The following PWWP3B variants were observed in gnomAD, a reference collection of about 807,000 sequenced individuals.
PWWP3B encodes PWWP domain containing 3B.
In PWWP3B, 5 loss-of-function variants were observed where a neutral mutation model predicts 15.7. The observed-to-expected ratio is 0.32, with a 90% CI of 0.17 to 0.67. PWWP3B has a LOEUF of 0.67. PWWP3B is among the 30% of genes least tolerant of loss of function. The pLI is 0.74. For missense variants in PWWP3B, 519 were observed against 493.1 expected, an observed-to-expected ratio of 1.05 and a Z score of -0.50; for synonymous variants, 203 against 179.8, an observed-to-expected ratio of 1.13 and a Z score of -1.03.
intron 2 of PWWP3B, among the ~76,000 whole-genome samples, chrX:106,193,360 A>G (rs1923133776): frequency 9.0e-6 from 1 of 111,009 alleles, no homozygotes. Context: ...TAGGATTGCA[A>G]TCCCTGCCTT....
chrX:106,175,244 T>C (rs1156249841), intron 2 of PWWP3B, among the ~76,000 whole-genome samples: 4 of 89,299 alleles, frequency 4.5e-5, no homozygotes, highest in African/African-American at 1.6e-4. Flanking sequence ...TTCTTTTTTT[T>C]TTTTTTTTTT....
intron 2 of PWWP3B, among the ~76,000 whole-genome samples, chrX:106,182,758 G>T (rs185997169): frequency 9.0e-6 from 1 of 110,883 alleles, no homozygotes; most frequent in African/African-American, 3.3e-5. Context: ...GAATGGTCAC[G>T]CAGGGAGTAT....
At chrX:106,186,815 G>C (rs767037412) in intron 2 of PWWP3B, among the ~76,000 whole-genome samples, 3 of 111,608 alleles carry the variant, frequency 2.7e-5, no homozygotes, top group Non-Finnish European at 5.7e-5. Context: ...TCCACATCCT[G>C]CTGATTGGTC....
chrX:106,199,999 T>C (rs1056097904), intron 2 of PWWP3B, among the ~76,000 whole-genome samples: 2 of 111,917 alleles, frequency 1.8e-5, no homozygotes, highest in African/African-American at 6.5e-5. Context: ...TGTCTCATTT[T>C]TCTCCTGGGG....
At position 106,206,367 on chromosome X, in the gene PWWP3B, G is replaced by A; in HGVS notation, c.935G>A (p.Ser312Asn). 8.3e-7 allele frequency: 1 copy of A among 1,204,782 alleles called. No homozygotes were observed. Among genetic ancestry groups the A allele is most frequent in the Non-Finnish European group, 1.1e-6 (1 of 891,530 alleles). Reference protein sequence around the residue: ...SEMGAAACPGSCSRECEVSFS... With the variant: ...SEMGAAACPGNCSRECEVSFS... ...ATGGGGGCTGCAGCATGCCCTGGGA[G>A]TTGTTCAAGGGAATGCGAGGTTTCA... is the stretch of plus-strand genomic sequence containing the variant. Residue 312 changes from serine to asparagine, a missense_variant, in exon 4 of 4, where the codon AGT (serine) becomes AAT (asparagine). By Grantham distance (46) the Ser-to-Asn change is conservative (BLOSUM62 1). Transcript: ENST00000357175.
intron 1 of PWWP3B, among the ~76,000 whole-genome samples, chrX:106,170,376 T>A (rs1217176175): frequency 8.9e-6 from 1 of 111,756 alleles, no homozygotes; most frequent in Non-Finnish European, 1.9e-5. Flanking sequence ...ATATATACAA[T>A]TTGCATGAGA....
At chrX:106,199,432 G>A (rs1201473134) in intron 2 of PWWP3B, among the ~76,000 whole-genome samples, 1 of 111,501 alleles carries the variant, frequency 9.0e-6, no homozygotes, top group Non-Finnish European at 1.9e-5. Flanking sequence ...GAGAGGCTTT[G>A]GTAAGATAGA....
chrX:106,169,879 G>A (rs1170231848), intron 1 of PWWP3B, among the ~76,000 whole-genome samples: 1 of 111,727 alleles, frequency 9.0e-6, no homozygotes, highest in African/African-American at 3.2e-5. Context: ...GAATGTGCAT[G>A]CATTCGTACA....
At position 106,206,243 on chromosome X, in the gene PWWP3B, G is replaced by A. The variant is rs1197146719; in HGVS notation, c.811G>A (p.Glu271Lys). 2 of 1,206,899 alleles carry A rather than the reference G, an allele frequency of 1.7e-6. No homozygotes were observed. Among genetic ancestry groups the A allele is most frequent in the South Asian group, 3.6e-5 (2 of 56,205 alleles). ...CCTAGAGACCCTGGCTGTTCCCTCT[G>A]AATGCTCTGCTTTCTCAGAGAATAT... Reference protein sequence around the residue: ...TCLETLAVPSECSAFSENIED... With the variant: ...TCLETLAVPSKCSAFSENIED... The change falls in exon 4 of 4, where the codon GAA becomes AAA. Residue 271 changes from glutamate to lysine, a missense_variant. By Grantham distance (56) the Glu-to-Lys change is moderately conservative. Coordinates refer to ENST00000357175, the MANE Select transcript of PWWP3B (RefSeq NM_001171020.2).
chrX:106,201,421 G>GA (rs972004558), intron 2 of PWWP3B, among the ~76,000 whole-genome samples: 1 of 112,497 alleles, frequency 8.9e-6, no homozygotes, highest in African/African-American at 3.2e-5. Flanking sequence ...GAGATGGCAA[G>GA]AAAAAAATAT....
At chrX:106,193,607 G>A (rs1298227910) in intron 2 of PWWP3B, among the ~76,000 whole-genome samples, 2 of 111,635 alleles carry the variant, frequency 1.8e-5, no homozygotes, top group East Asian at 2.8e-4. Context: ...TATTTTGCTC[G>A]TTAGTTGATG....
rs1923854551 is a variant in PWWP3B, at chrX:106,204,090, C to G, written c.-295C>G. The G allele has an allele frequency of 8.9e-6, 1 of 111,856 alleles. No individual in the cohort carries two copies. The highest frequency in any genetic ancestry group is 3.3e-5 in the African/African-American group (1 of 30,755). 9.2% of individuals were successfully genotyped at this position (111,856 alleles called of 1,213,427 possible). A position where few individuals can be genotyped will look rare whatever the true frequency, so the allele number is the denominator to read the frequency against. On this transcript the variant is annotated 5_prime_UTR_variant, in exon 3 of 4. Transcript: ENST00000357175. ...ACAGAAGTGCCGAGCTGGGTAAAGG[C>G]CCTGCTGGACAAGCAGTTGGAGTGA...
rs188144347 is a variant in PWWP3B at position 106,183,800 on chromosome X, G to C, written c.-401+12661G>C. On this transcript the variant is annotated intron_variant, in intron 2 of 3. Coordinates refer to ENST00000357175, the MANE Select transcript of PWWP3B (RefSeq NM_001171020.2). ...CCCTCAATGGTTAAACATATCCGGG[G>C]CTCAGTGAGGGTGATGACATGAGCT... 2.9e-3 allele frequency among the ~76,000 whole-genome samples: 321 copies of C among 112,157 alleles called. 3 individuals carry two copies. The highest frequency in any genetic ancestry group is 9.7e-3 in the African/African-American group (299 of 30,875).
intron 2 of PWWP3B, among the ~76,000 whole-genome samples, chrX:106,188,126 T>C (rs776842778): frequency 1.1e-3 from 120 of 111,594 alleles, no homozygotes; most frequent in African/African-American, 3.8e-3. Context: ...AATGCTGATG[T>C]CATCTGGTTT....
chrX:106,173,500 TAGTAA>T lies in PWWP3B; in HGVS notation c.-401+2368_-401+2372del, dbSNP rs906816809. Among the ~76,000 whole-genome samples, 28 of 111,453 alleles carry T rather than the reference TAGTAA, an allele frequency of 2.5e-4. 1 individual carries two copies. Among genetic ancestry groups the T allele is most frequent in the African/African-American group, 5.5e-4 (17 of 30,685 alleles). On this transcript the variant is annotated intron_variant, in intron 2 of 3. Transcript: ENST00000357175. ...TCTCATCGTCTACCTTCATCCTACT[TAGTAA>T]AGTAAATTTTTTATCTGATCTCTTT... is the stretch of plus-strand genomic sequence containing the variant.
intron 2 of PWWP3B, among the ~76,000 whole-genome samples, chrX:106,188,078 G>T: frequency 9.0e-6 from 1 of 111,436 alleles, no homozygotes; most frequent in Middle Eastern, 4.7e-3. Context: ...AGTGTGGTTA[G>T]AGACTCTGCC....
intron 1 of PWWP3B, among the ~76,000 whole-genome samples, chrX:106,169,830 A>G (rs768227060): frequency 1.3e-4 from 15 of 112,236 alleles, no homozygotes; most frequent in African/African-American, 4.8e-4. Context: ...CAAATTGAAG[A>G]ATGGCCTGTA....
chrX:106,195,060 C>G (rs942508429), intron 2 of PWWP3B, among the ~76,000 whole-genome samples: 48 of 111,838 alleles, frequency 4.3e-4, no homozygotes, highest in African/African-American at 1.5e-3. Flanking sequence ...CTCTTCAAAG[C>G]TGTCAGAGAG....
At chrX:106,185,662 G>A (rs748848560) in intron 2 of PWWP3B, among the ~76,000 whole-genome samples, 65 of 111,799 alleles carry the variant, frequency 5.8e-4, no homozygotes, top group African/African-American at 1.7e-3. Flanking sequence ...ACACATTCTC[G>A]AAAACCTGTT....
Sources: gnomAD v4.1 joint callset for allele counts (sites outside exome capture counted in the v4.1 genomes callset) on GRCh38, gnomAD v4.1.1 for gene constraint, MANE v1.5 for transcripts, NCBI Gene and HGNC (gene_info 2026-07-23, HGNC 2026-07-21) for gene names.